The following EFNA5 variants were observed in gnomAD, a reference collection of about 807,000 sequenced individuals.
The protein encoded by EFNA5 is ephrin A5.
Under a neutral mutation model 22.9 loss-of-function variants are expected in EFNA5, and 5 were observed. That is an observed-to-expected ratio of 0.22 (90% CI 0.11 to 0.46). The LOEUF (loss-of-function observed/expected upper bound fraction) is 0.46, where lower values mean the gene tolerates loss of function less well. Ranked by LOEUF, EFNA5 falls within the 20% of genes least tolerant of loss-of-function variation. The probability of loss-of-function intolerance (pLI) is 0.99; values close to 1 mark genes in which losing one functional copy is unlikely to be tolerated. For synonymous variants in EFNA5, 113 were observed against 112.2 expected (o/e 1.01, Z -0.04); for missense variants, 237 against 293.3 (o/e 0.81, Z 1.40).
chr5:107,421,109 T>C (rs947584434), intron 2 of EFNA5, among the ~76,000 whole-genome samples: 19 of 152,216 alleles, frequency 1.2e-4, no homozygotes, highest in Non-Finnish European at 2.6e-4. Flanking sequence ...TTTAATAAGA[T>C]AGCCCTTAGG....
intron 4 of EFNA5, among the ~76,000 whole-genome samples, chr5:107,382,234 C>G (rs112546116): frequency 0.012 from 1,850 of 152,246 alleles, 36 homozygotes; most frequent in African/African-American, 0.04. Context: ...GCTTAACTTC[C>G]AAATGGGAAC....
At chr5:107,553,849 C>T (rs923961376) in intron 1 of EFNA5, among the ~76,000 whole-genome samples, 3 of 152,118 alleles carry the variant, frequency 2.0e-5, no homozygotes, top group African/African-American at 7.2e-5. Context: ...ATTAGTTCTT[C>T]ACAGAGTCAG....
At chr5:107,469,261 A>C (rs1750073438) in intron 1 of EFNA5, among the ~76,000 whole-genome samples, 1 of 152,178 alleles carries the variant, frequency 6.6e-6, no homozygotes, top group African/African-American at 2.4e-5. Context: ...CAGGCCCCTA[A>C]GAAAGTACCA....
rs112629226 is a variant in EFNA5 at position 107,588,791 on chromosome 5, C to T, written c.125+81698G>A. Among the ~76,000 whole-genome samples, 408 of 152,306 alleles carry T rather than the reference C, an allele frequency of 2.7e-3. 2 individuals carry two copies. Among genetic ancestry groups the T allele is most frequent in the African/African-American group, 8.9e-3 (372 of 41,568 alleles). ...GATAGGAAGAGAGAGGAAAAAGACT[C>T]ATTTAAATTATCAACCTGAGCATTA... On this transcript the variant is annotated intron_variant, in intron 1 of 4. Coordinates refer to ENST00000333274, the MANE Select transcript of EFNA5 (RefSeq NM_001962.3).
intron 1 of EFNA5, among the ~76,000 whole-genome samples, chr5:107,437,701 G>A (rs1749152967): frequency 6.7e-6 from 1 of 149,828 alleles, no homozygotes; most frequent in Non-Finnish European, 1.5e-5. Context: ...CGATGAAGAG[G>A]AATGTAGCTG....
intron 1 of EFNA5, among the ~76,000 whole-genome samples, chr5:107,479,639 T>A (rs1295638333): frequency 6.6e-6 from 1 of 152,188 alleles, no homozygotes; most frequent in Non-Finnish European, 1.5e-5. Flanking sequence ...TCAGAGGTTT[T>A]TCCCCACTGA....
chr5:107,603,169 T>A (rs1237492028), intron 1 of EFNA5, among the ~76,000 whole-genome samples: 2 of 152,190 alleles, frequency 1.3e-5, no homozygotes, highest in African/African-American at 4.8e-5. Flanking sequence ...TTAAGCAGAT[T>A]TAAGCCGAAC....
chr5:107,633,664 G>A (rs773084697), intron 1 of EFNA5, among the ~76,000 whole-genome samples: 1 of 152,140 alleles, frequency 6.6e-6, no homozygotes, highest in Admixed American at 6.5e-5. Context: ...GTGACAGGAG[G>A]CCAGGGGAAT....
chr5:107,646,517 G>A (rs1315838077), intron 1 of EFNA5, among the ~76,000 whole-genome samples: 1 of 152,134 alleles, frequency 6.6e-6, no homozygotes, highest in Admixed American at 6.6e-5. Context: ...CCAGTGAGGT[G>A]AGATAAATAT....
rs1561435715 is a variant in EFNA5 at position 107,569,383 on chromosome 5, T to TTTTATGTATATGTGTGTATATATATA, written c.125+101080_125+101105dup. The stretch of plus-strand genomic sequence containing the variant: ...TATATACGTGTATATATATATATAT[T>TTTTATGTATATGTGTGTATATATATA]TTTATGTATATGTGTGTATATATAT... On this transcript the variant is annotated intron_variant, in intron 1 of 4. Transcript: ENST00000333274. 2.4e-3 allele frequency among the ~76,000 whole-genome samples: 328 copies of TTTTATGTATATGTGTGTATATATATA among 137,922 alleles called. 3 individuals carry two copies. Among genetic ancestry groups the TTTTATGTATATGTGTGTATATATATA allele is most frequent in the African/African-American group, 9.5e-3 (319 of 33,598 alleles). 90.5% of individuals were successfully genotyped at this position (137,922 alleles called of 152,430 possible).
intron 1 of EFNA5, among the ~76,000 whole-genome samples, chr5:107,541,890 A>G (rs559766192): frequency 6.6e-6 from 1 of 152,314 alleles, no homozygotes; most frequent in East Asian, 1.9e-4. Flanking sequence ...AAACATCTAA[A>G]TTATTTTTGT....
chr5:107,431,888 C>T (rs1266692066), intron 1 of EFNA5, among the ~76,000 whole-genome samples: 1 of 152,190 alleles, frequency 6.6e-6, no homozygotes, highest in African/African-American at 2.4e-5. Context: ...GAGTCGAGGA[C>T]ATTCAGAGAG....
intron 2 of EFNA5, among the ~76,000 whole-genome samples, chr5:107,408,765 A>G (rs934760983): frequency 6.6e-6 from 1 of 152,204 alleles, no homozygotes; most frequent in Non-Finnish European, 1.5e-5. Flanking sequence ...GTTGAGTGAG[A>G]CAGCCCTGGC....
chr5:107,654,647 A>C lies in EFNA5; in HGVS notation c.125+15842T>G, dbSNP rs565278784. ...AAAAGAGAAATTGAAGAGAATTTAC[A>C]ACTGTCCAAAGTTAAAATTCTAGTT... is the stretch of plus-strand genomic sequence containing the variant. On this transcript the variant is annotated intron_variant, in intron 1 of 4. Transcript: ENST00000333274. Among the ~76,000 whole-genome samples, 9 of 152,284 alleles carry C rather than the reference A, an allele frequency of 5.9e-5. No homozygotes were observed. The East Asian group carries it at 1.7e-3, about 29-fold the overall frequency.
At chr5:107,537,685 A>G (rs913179297) in intron 1 of EFNA5, among the ~76,000 whole-genome samples, 1 of 152,204 alleles carries the variant, frequency 6.6e-6, no homozygotes, top group Admixed American at 6.5e-5. Context: ...CATTTTACTG[A>G]TGACAAAAGT....
intron 1 of EFNA5, among the ~76,000 whole-genome samples, chr5:107,475,187 C>T (rs25993): frequency 0.47 from 70,835 of 152,010 alleles, 16,955 homozygotes; most frequent in South Asian, 0.55. Context: ...CCTTTTTTCT[C>T]CCTGTAAGTT....
chr5:107,410,576 T>C (rs1270823917), intron 2 of EFNA5, among the ~76,000 whole-genome samples: 1 of 152,200 alleles, frequency 6.6e-6, no homozygotes, highest in African/African-American at 2.4e-5. Flanking sequence ...TTCCCAGGTC[T>C]AATAAATTTG....
chr5:107,570,412 T>C (rs1169006873), intron 1 of EFNA5, among the ~76,000 whole-genome samples: 1 of 152,232 alleles, frequency 6.6e-6, no homozygotes, highest in Non-Finnish European at 1.5e-5. Flanking sequence ...GATCAAATGA[T>C]GCCTTGGCAC....
At chr5:107,579,898 A>G (rs953642921) in intron 1 of EFNA5, among the ~76,000 whole-genome samples, 3 of 152,218 alleles carry the variant, frequency 2.0e-5, no homozygotes, top group Non-Finnish European at 2.9e-5. Flanking sequence ...TATAACAAAG[A>G]GACAGATGTT....
Sources: gnomAD v4.1 joint callset for allele counts (sites outside exome capture counted in the v4.1 genomes callset) on GRCh38, gnomAD v4.1.1 for gene constraint, MANE v1.5 for transcripts, NCBI Gene and HGNC (gene_info 2026-07-23, HGNC 2026-07-21) for gene names.